SGCD: variants seen among roughly 807,000 people sequenced by gnomAD.
SGCD encodes sarcoglycan delta, also known as delta-sarcoglycan.
Under a neutral mutation model 36.6 loss-of-function variants are expected in SGCD, and 18 were observed. The ratio of observed to expected loss-of-function variants is 0.49; its 90% CI spans 0.34 to 0.73. The LOEUF is 0.73. SGCD is among the 30% of genes least tolerant of loss of function. SGCD has a pLI of 0.01. For synonymous variants in SGCD, 133 were observed against 130.6 expected (o/e 1.02, Z -0.12); for missense variants, 387 against 346.7 (o/e 1.12, Z -0.92).
upstream of SGCD, among the ~76,000 whole-genome samples, chr5:156,321,790 C>T (rs1767678223): frequency 3.3e-5 from 5 of 152,270 alleles, no homozygotes; most frequent in South Asian, 1.0e-3. Context: ...GTGGGTGAAG[C>T]CTAGAGAAGA....
At chr5:156,323,555 G>A (rs143440158), upstream of SGCD, among the ~76,000 whole-genome samples, 291 of 138,630 alleles carry the variant, frequency 2.1e-3, no homozygotes, top group African/African-American at 7.7e-3. Flanking sequence ...TGGAAAAATG[G>A]CAGAAAATGA....
chr5:155,997,303 C>G (rs1758572923), intron 1 of SGCD, among the ~76,000 whole-genome samples: 1 of 152,174 alleles, frequency 6.6e-6, no homozygotes, highest in Admixed American at 6.5e-5. Context: ...AGTCCTTGTT[C>G]TTTTATGCTA....
intron 3 of SGCD, among the ~76,000 whole-genome samples, chr5:156,306,418 G>C (rs1184474949): frequency 1.3e-5 from 2 of 152,024 alleles, no homozygotes; most frequent in Non-Finnish European, 2.9e-5. Flanking sequence ...GTGATTGTGG[G>C]GCTTCCCCAG....
intron 2 of SGCD, among the ~76,000 whole-genome samples, chr5:156,337,385 T>A (rs1768410027): frequency 6.6e-6 from 1 of 152,208 alleles, no homozygotes; most frequent in Non-Finnish European, 1.5e-5. Context: ...TTAAATTAGC[T>A]AATGTAGCCA....
chr5:156,736,579 A>T (rs576044672), intron 7 of SGCD, among the ~76,000 whole-genome samples: 1 of 152,062 alleles, frequency 6.6e-6, no homozygotes, highest in Non-Finnish European at 1.5e-5. Flanking sequence ...TGGCAATTCA[A>T]TGGAAAGTTT....
intron 3 of SGCD, among the ~76,000 whole-genome samples, chr5:156,199,566 G>T (rs529232090): frequency 1.3e-5 from 2 of 152,070 alleles, no homozygotes; most frequent in Non-Finnish European, 2.9e-5. Context: ...ATAGGCGTTT[G>T]GAGACTCCCT....
intron 1 of SGCD, among the ~76,000 whole-genome samples, chr5:156,076,027 T>A (rs1455916169): frequency 1.3e-5 from 2 of 152,150 alleles, no homozygotes; most frequent in Non-Finnish European, 2.9e-5. Flanking sequence ...TGAAAAATAC[T>A]GTAGACTAGT....
At chr5:156,562,674 C>T (rs927078266) in intron 4 of SGCD, among the ~76,000 whole-genome samples, 1 of 151,972 alleles carries the variant, frequency 6.6e-6, no homozygotes, top group African/African-American at 2.4e-5. Context: ...TTTAGGGCAA[C>T]AGTGGGGCTG....
At chr5:156,753,087 A>G (rs1416943862) in intron 7 of SGCD, among the ~76,000 whole-genome samples, 1 of 152,172 alleles carries the variant, frequency 6.6e-6, no homozygotes, top group East Asian at 1.9e-4. Context: ...ACTTGTTACA[A>G]ATGTGGATGT....
At chr5:155,800,751 T>A in the SGCD span, among the ~76,000 whole-genome samples, 17 of 152,184 alleles carry the variant, frequency 1.1e-4, no homozygotes, top group Admixed American at 1.1e-3. Flanking sequence ...GTATTGGCAA[T>A]AATTCTTACT....
At chr5:156,453,163 G>A (rs1313876223) in intron 3 of SGCD, among the ~76,000 whole-genome samples, 4 of 152,114 alleles carry the variant, frequency 2.6e-5, no homozygotes, top group African/African-American at 9.7e-5. Context: ...AAGAAACTAA[G>A]GATTTTTATT....
chr5:156,264,534 C>G (rs1441987602), intron 3 of SGCD, among the ~76,000 whole-genome samples: 1 of 152,150 alleles, frequency 6.6e-6, no homozygotes, highest in African/African-American at 2.4e-5. Context: ...AATGCTATCA[C>G]TTCCCAGGTC....
chr5:156,655,910 G>T (rs547392740), intron 7 of SGCD, among the ~76,000 whole-genome samples: 1 of 151,976 alleles, frequency 6.6e-6, no homozygotes, highest in South Asian at 2.1e-4. Context: ...ATTCAGTTTT[G>T]CATATGTATT....
intron 3 of SGCD, among the ~76,000 whole-genome samples, chr5:156,403,600 A>G (rs1347622784): frequency 6.6e-6 from 1 of 152,132 alleles, no homozygotes; most frequent in East Asian, 1.9e-4. Flanking sequence ...AAAGACTTGG[A>G]CTTAACTTGC....
rs377644445 is a variant in SGCD, at chr5:156,516,643, CAT to C, written c.294+7943_294+7944del. Among the ~76,000 whole-genome samples, 1,008 of 152,270 alleles carry C rather than the reference CAT, an allele frequency of 6.6e-3. 7 individuals are homozygous for C. Among genetic ancestry groups the C allele is most frequent in the African/African-American group, 0.018 (734 of 41,546 alleles). ...GATTGCAGCACCTTTCTAGCAAGGA[CAT>C]AGAACTGGGCTGAGGCTGAGATGAA... is the stretch of plus-strand genomic sequence containing the variant. On this transcript the variant is annotated intron_variant, in intron 4 of 8. Transcript: ENST00000337851.
At chr5:156,706,570 T>A (rs919671437) in intron 7 of SGCD, among the ~76,000 whole-genome samples, 2 of 152,102 alleles carry the variant, frequency 1.3e-5, no homozygotes. Context: ...ACTCCATCAG[T>A]TCTCTCTTCC....
chr5:156,139,505 G>T (rs953081456), intron 3 of SGCD, among the ~76,000 whole-genome samples: 6 of 152,140 alleles, frequency 3.9e-5, no homozygotes, highest in African/African-American at 9.7e-5. Flanking sequence ...AATTATGAGA[G>T]CTGTGTCCTT....
chr5:156,699,589 A>G (rs1371053906), intron 7 of SGCD, among the ~76,000 whole-genome samples: 2 of 152,130 alleles, frequency 1.3e-5, no homozygotes, highest in Non-Finnish European at 2.9e-5. Flanking sequence ...ACAAAGGACT[A>G]TTGTTTTTGA....
intron 1 of SGCD, among the ~76,000 whole-genome samples, chr5:155,876,472 C>T (rs894144231): frequency 2.3e-4 from 35 of 152,066 alleles, no homozygotes; most frequent in Non-Finnish European, 5.0e-4. Context: ...ATTTACCTTC[C>T]TTCTAAAGTG....
Sources: gnomAD v4.1 joint callset for allele counts (sites outside exome capture counted in the v4.1 genomes callset) on GRCh38, gnomAD v4.1.1 for gene constraint, MANE v1.5 for transcripts, NCBI Gene and HGNC (gene_info 2026-07-23, HGNC 2026-07-21) for gene names.